The following ADIPOR1 variants were observed in gnomAD, a reference collection of about 807,000 sequenced individuals.
ADIPOR1 encodes the protein adiponectin receptor protein 1.
ADIPOR1 carries 15 observed loss-of-function variants against 37.5 expected under a neutral mutation model. That is an observed-to-expected ratio of 0.40 (90% CI 0.27 to 0.62). ADIPOR1 has a LOEUF of 0.62. Among genes scored for constraint, ADIPOR1 ranks in the 20% least tolerant of loss-of-function variants. The pLI is 0.42. For missense variants in ADIPOR1, 286 were observed against 478.0 expected (o/e 0.60, Z 3.75); for synonymous variants, 173 against 173.2 (o/e 1.00, Z 0.01).
intron 5 of ADIPOR1, chr1:202,944,772 C>T (rs1388677636): frequency 2.5e-6 from 1 of 405,378 alleles, no homozygotes; most frequent in Non-Finnish European, 4.4e-6. Context: ...TTGGTCTCTC[C>T]ATCTGTTGAA....
At chr1:202,951,474 G>A (rs1654579315) in intron 1 of ADIPOR1, among the ~76,000 whole-genome samples, 1 of 152,054 alleles carries the variant, frequency 6.6e-6, no homozygotes, top group Admixed American at 6.6e-5. Context: ...CCTCCCACAG[G>A]TATGGAACCA....
chr1:202,943,816 G>A lies in ADIPOR1; in HGVS notation c.747C>T (p.Ala249=). ...ACCGGTCCCACTGCGCCACAATGAT[G>A]GCAGAAATGCCCAGGACACAGACGA... ...LSIVCVLGIS[A]IIVAQWDRFA... Residue 249 remains alanine (A), a synonymous_variant, in exon 6 of 8, where the codon GCC becomes GCT. Coordinates refer to ENST00000340990, the MANE Select transcript of ADIPOR1 (RefSeq NM_015999.6). 1 of 1,614,142 alleles carries A rather than the reference G, an allele frequency of 6.2e-7. No homozygotes were observed. Among genetic ancestry groups the A allele is most frequent in the Non-Finnish European group, 8.5e-7 (1 of 1,180,038 alleles).
At chr1:202,951,711 G>C (rs1654585102) in intron 1 of ADIPOR1, among the ~76,000 whole-genome samples, 1 of 152,212 alleles carries the variant, frequency 6.6e-6, no homozygotes, top group Non-Finnish European at 1.5e-5. Flanking sequence ...TTGTGGGACA[G>C]ATGCCTAGTG....
chr1:202,945,203 A>T, intron 4 of ADIPOR1, 34 bp from the exon 5 acceptor site: 1 of 1,536,058 alleles, frequency 6.5e-7, no homozygotes, highest in Non-Finnish European at 8.7e-7. Context: ...AACCTGTAAG[A>T]AAAAAGGGAA....
intron 2 of ADIPOR1, 102 bp from the exon 3 acceptor site, chr1:202,948,522 C>T: frequency 2.2e-6 from 2 of 915,398 alleles, no homozygotes; most frequent in Non-Finnish European, 3.5e-6. Flanking sequence ...TGCCTTCTGC[C>T]CAGCCTCTTT....
Position 202,945,023 on chromosome 1 carries a change from C to T in ADIPOR1, c.577G>A (p.Val193Ile), listed in dbSNP as rs996793166. Residue 193 changes from valine (V) to isoleucine (I), a missense_variant, in exon 5 of 8, where the codon GTC (valine) becomes ATC (isoleucine). Physicochemically the swap from Val to Ile is conservative, Grantham distance 29. Coordinates refer to ENST00000340990, the MANE Select transcript of ADIPOR1 (RefSeq NM_015999.6). ...CLSFSWLFHT[V>I]YCHSEKVSRT... ...GAGACTTTCTCTGAATGACAATAGA[C>T]GGTGTGAAAGAGCCAGGAGAAGCTG... The T allele has an allele frequency of 8.1e-6, 13 of 1,613,390 alleles. No homozygotes were observed. The highest frequency in any genetic ancestry group is 2.7e-5 in the African/African-American group (2 of 74,812).
In ADIPOR1 at chr1:202,946,597, C is replaced by T. The variant is rs200676846; in HGVS notation, c.272G>A (p.Arg91His). ...EEFVYKVWEGRWRVIPYDVLP... is the reference protein window; with the variant it reads ...EEFVYKVWEGHWRVIPYDVLP... ...CACATCATATGGGATGACCCTCCAA[C>T]GTCCCTCCCAGACCTAGAACATATA... The change falls in exon 4 of 8, where the codon CGT becomes CAT. Residue 91 changes from arginine (R) to histidine (H), a missense_variant. By Grantham distance (29) the Arg-to-His change is conservative. Coordinates refer to ENST00000340990, the MANE Select transcript of ADIPOR1 (RefSeq NM_015999.6). The T allele has an allele frequency of 1.4e-5, 22 of 1,614,048 alleles. No homozygotes were observed. Among genetic ancestry groups the T allele is most frequent in the Non-Finnish European group, 1.7e-5 (20 of 1,180,018 alleles).
At chr1:202,952,115 G>T (rs983927820) in intron 1 of ADIPOR1, among the ~76,000 whole-genome samples, 2 of 152,096 alleles carry the variant, frequency 1.3e-5, no homozygotes, top group African/African-American at 2.4e-5. Context: ...AAAAAAGAGG[G>T]AAAGAGGGAG....
chr1:202,957,952 C>G (rs921027641), intron 1 of ADIPOR1, among the ~76,000 whole-genome samples: 15 of 152,192 alleles, frequency 9.9e-5, no homozygotes, highest in Admixed American at 3.3e-4. Context: ...GAGCGCCCAC[C>G]GCACCTAGGC....
intron 1 of ADIPOR1, among the ~76,000 whole-genome samples, chr1:202,955,786 T>A (rs938306463): frequency 9.9e-5 from 15 of 152,142 alleles, no homozygotes; most frequent in African/African-American, 3.6e-4. Context: ...GCCCCCACTT[T>A]TATTTTTGGA....
chr1:202,947,069 TTGCACCAC>T (rs1292937798), intron 3 of ADIPOR1, among the ~76,000 whole-genome samples: 1 of 151,604 alleles, frequency 6.6e-6, no homozygotes, highest in African/African-American at 2.4e-5. Context: ...TGAGCCGAGA[TTGCACCAC>T]TGCACTCCAG....
chr1:202,943,700 A>C, intron 6 of ADIPOR1, 58 bp downstream of exon 6: 1 of 1,552,506 alleles, frequency 6.4e-7, no homozygotes, highest in African/African-American at 1.4e-5. Flanking sequence ...AATAGGTTTG[A>C]GCCTATCAGG....
At chr1:202,953,238 CA>C (rs11345566) in intron 1 of ADIPOR1, among the ~76,000 whole-genome samples, 115,701 of 143,480 alleles carry the variant, frequency 0.81, 46,532 homozygotes, top group Middle Eastern at 0.89. Flanking sequence ...ATATCGCAAG[CA>C]AAAAAAAAAA....
chr1:202,941,869 AC>A (rs1349513492), intron 7 of ADIPOR1, among the ~76,000 whole-genome samples, 155 bp downstream of exon 7: 1 of 152,252 alleles, frequency 6.6e-6, no homozygotes, highest in Non-Finnish European at 1.5e-5. Flanking sequence ...TGTCAGAGAT[AC>A]ACCAAAATGT....
At chr1:202,953,564 T>C (rs1214264795) in intron 1 of ADIPOR1, among the ~76,000 whole-genome samples, 1 of 151,880 alleles carries the variant, frequency 6.6e-6, no homozygotes, top group Admixed American at 6.5e-5. Context: ...AGGGCTTATG[T>C]GCATTTTCTT....
Position 202,941,709 on chromosome 1 carries a change from A to T in ADIPOR1, c.1000-8T>A. 1 of 1,605,716 alleles carries T rather than the reference A, an allele frequency of 6.2e-7. No homozygotes were observed. The highest frequency in any genetic ancestry group is 1.3e-5 in the African/African-American group (1 of 74,176). On this transcript the variant is annotated splice_region_variant and splice_polypyrimidine_tract_variant and intron_variant, in intron 7 of 7. Coordinates refer to ENST00000340990, the MANE Select transcript of ADIPOR1 (RefSeq NM_015999.6). ...AATCTGATGAGACTGGAACTGTAGG[A>T]ATAAAAAGAAAAGAGCCTTTAGGAT...
At chr1:202,957,142 A>G (rs1654816463) in intron 1 of ADIPOR1, among the ~76,000 whole-genome samples, 1 of 152,242 alleles carries the variant, frequency 6.6e-6, no homozygotes, top group African/African-American at 2.4e-5. Context: ...TCCTGGCAGT[A>G]TACAGATAGT....
chr1:202,958,059 AG>A (rs1389402502), intron 1 of ADIPOR1, 125 bp downstream of exon 1: 1 of 152,200 alleles, frequency 6.6e-6, no homozygotes, highest in Non-Finnish European at 1.5e-5. Flanking sequence ...CTGGGGCCCG[AG>A]CCCCCTGGCA....
rs997132965 is a variant in ADIPOR1 at position 202,944,720 on chromosome 1, C to T, written c.617+263G>A. 6.6e-5 allele frequency: 17 copies of T among 259,308 alleles called. No individual in the cohort carries two copies. The South Asian group carries it at 1.5e-3, about 22-fold the overall frequency. The allele number at this position is 259,308 out of a possible 1,614,324, so 16.1% of individuals were successfully genotyped here. On this transcript the variant is annotated intron_variant, in intron 5 of 7. Transcript: ENST00000340990. ...GCCAGTGCACTGGCACTCTAAGCCT[C>T]ACAAAAGATAGTGCTTTTCAGGTAG...
Sources: allele counts gnomAD v4.1 joint callset (sites outside exome capture counted in the v4.1 genomes callset), GRCh38; gene constraint gnomAD v4.1.1; transcripts MANE v1.5; gene names NCBI Gene and HGNC (gene_info 2026-07-23, HGNC 2026-07-21).